Variants in SNX29 observed in about 807,000 individuals in gnomAD.
The protein encoded by SNX29 is sorting nexin-29.
Under a neutral mutation model 102.1 loss-of-function variants are expected in SNX29, and 78 were observed. The ratio of observed to expected loss-of-function variants is 0.76; its 90% CI spans 0.64 to 0.92. The LOEUF is 0.92. Among genes scored for constraint, SNX29 ranks in the 40% least tolerant of loss-of-function variants. The pLI is 0.00. For missense variants in SNX29, 1,280 were observed against 1,061.7 expected (o/e 1.21, Z -2.86); for synonymous variants, 580 against 414.5 (o/e 1.40, Z -4.85).
chr16:12,377,589 G>A (rs530826371), intron 16 of SNX29, among the ~76,000 whole-genome samples: 2 of 152,194 alleles, frequency 1.3e-5, no homozygotes, highest in Admixed American at 6.5e-5. Flanking sequence ...TAGGTTATGA[G>A]GCTTCAGGCA....
chr16:12,365,583 G>C (rs1180569137), intron 16 of SNX29, among the ~76,000 whole-genome samples: 1 of 151,668 alleles, frequency 6.6e-6, no homozygotes, highest in African/African-American at 2.4e-5. Context: ...ACGGCTGCTT[G>C]GGAGGCTGAG....
At chr16:12,188,652 T>C (rs2076571216) in intron 13 of SNX29, among the ~76,000 whole-genome samples, 1 of 152,200 alleles carries the variant, frequency 6.6e-6, no homozygotes, top group African/African-American at 2.4e-5. Context: ...GAGTGGGATT[T>C]ACCAGGTGGC....
chr16:12,438,172 C>A (rs1021538451), intron 18 of SNX29, among the ~76,000 whole-genome samples: 8 of 152,156 alleles, frequency 5.3e-5, no homozygotes, highest in African/African-American at 1.9e-4. Context: ...TCTGGACTAT[C>A]TTTATTCTGA....
chr16:12,448,675 G>T (rs917339988), intron 18 of SNX29, among the ~76,000 whole-genome samples: 1 of 152,056 alleles, frequency 6.6e-6, no homozygotes, highest in East Asian at 1.9e-4. Context: ...TGACTTTATC[G>T]CATTCCACCC....
At chr16:12,345,170 G>A (rs1047365138) in intron 15 of SNX29, among the ~76,000 whole-genome samples, 3 of 152,192 alleles carry the variant, frequency 2.0e-5, no homozygotes, top group African/African-American at 4.8e-5. Context: ...TGTGCTCTGC[G>A]CTAGAGCTGT....
In SNX29 at chr16:12,063,366, C is replaced by CTTTTTTTTTTTTTTTTTTTTTTTT. The variant is rs369015533; in HGVS notation, c.1243+1723_1243+1746dup. Among the ~76,000 whole-genome samples, 23 of 55,396 alleles carry CTTTTTTTTTTTTTTTTTTTTTTTT rather than the reference C, an allele frequency of 4.2e-4. 4 individuals carry two copies. The highest frequency in any genetic ancestry group is 4.9e-4 in the East Asian group (1 of 2,022). The allele number at this position is 55,396 out of a possible 152,430, so 36.3% of individuals were successfully genotyped here. A position where few individuals can be genotyped will look rare whatever the true frequency, so the allele number is the denominator to read the frequency against. On this transcript the variant is annotated intron_variant, in intron 9 of 20. Coordinates refer to ENST00000566228, the MANE Select transcript of SNX29 (RefSeq NM_032167.5). ...CCCACCTCTTCTTTTCCTAGTCCAT[C>CTTTTTTTTTTTTTTTTTTTTTTTT]TTTTTTTTTTTTTTTTTTTTTTTTT...
intron 13 of SNX29, among the ~76,000 whole-genome samples, chr16:12,144,296 C>A (rs1346288473): frequency 6.6e-6 from 1 of 152,188 alleles, no homozygotes; most frequent in African/African-American, 2.4e-5. Context: ...CCCACTGCAA[C>A]AATTAGCACT....
chr16:12,240,930 C>A lies in SNX29; in HGVS notation c.1679-37003C>A, dbSNP rs148107649. ...CATCTTTGTCATTCTTGTGGTAAAT[C>A]TTTTTCTTTTACTTTTTCTGCATAA... On this transcript the variant is annotated intron_variant, in intron 14 of 20. Transcript: ENST00000566228. Among the ~76,000 whole-genome samples, 559 of 152,164 alleles carry A rather than the reference C, an allele frequency of 3.7e-3. 4 individuals are homozygous for A. Among genetic ancestry groups the A allele is most frequent in the African/African-American group, 0.013 (532 of 41,506 alleles).
chr16:12,249,180 G>T lies in SNX29; in HGVS notation c.1679-28753G>T, dbSNP rs374673078. Among the ~76,000 whole-genome samples, 5 of 152,310 alleles carry T rather than the reference G, an allele frequency of 3.3e-5. No homozygotes were observed. The South Asian group carries it at 1.0e-3, about 32-fold the overall frequency. ...TGGGGACAGCTCATCTCTGCTCCAT[G>T]ATGTCTGAGGCCTCAGCTCATGGCG... On this transcript the variant is annotated intron_variant, in intron 14 of 20. Transcript: ENST00000566228.
intron 1 of SNX29, among the ~76,000 whole-genome samples, chr16:11,986,509 A>G (rs1017940579): frequency 2.6e-5 from 4 of 152,222 alleles, no homozygotes; most frequent in African/African-American, 9.6e-5. Context: ...CTTTGTTCAA[A>G]GCATACACTA....
chr16:12,517,105 G>A (rs535380329), intron 19 of SNX29, among the ~76,000 whole-genome samples: 1 of 152,302 alleles, frequency 6.6e-6, no homozygotes, highest in East Asian at 1.9e-4. Flanking sequence ...ATTGACGATG[G>A]CGTTATGGTA....
chr16:12,110,334 C>T (rs999331534), intron 11 of SNX29, among the ~76,000 whole-genome samples: 3 of 152,126 alleles, frequency 2.0e-5, no homozygotes, highest in African/African-American at 7.2e-5. Flanking sequence ...CCCAGCATGT[C>T]GTTCCCCACT....
chr16:12,563,008 C>T (rs1009091704), intron 20 of SNX29, among the ~76,000 whole-genome samples: 2 of 152,184 alleles, frequency 1.3e-5, no homozygotes, highest in African/African-American at 4.8e-5. Flanking sequence ...TTCAATGCGC[C>T]TTTCAAACCG....
intron 11 of SNX29, among the ~76,000 whole-genome samples, chr16:12,106,324 C>T (rs369578397): frequency 6.6e-6 from 1 of 151,856 alleles, no homozygotes; most frequent in East Asian, 1.9e-4. Flanking sequence ...GTAGAATTTT[C>T]TTTCTTCCCA....
intron 18 of SNX29, among the ~76,000 whole-genome samples, chr16:12,465,059 CT>C (rs2086990298): frequency 6.6e-6 from 1 of 152,136 alleles, no homozygotes; most frequent in Non-Finnish European, 1.5e-5. Flanking sequence ...GGAAAAATGT[CT>C]GTTTACATCC....
At chr16:12,490,909 C>T (rs141549634) in intron 19 of SNX29, among the ~76,000 whole-genome samples, 95 of 152,342 alleles carry the variant, frequency 6.2e-4, no homozygotes, top group African/African-American at 2.0e-3. Flanking sequence ...CCTCTTTGCA[C>T]CTTTTCTCCC....
chr16:12,275,381 C>G (rs1429615171), intron 14 of SNX29, among the ~76,000 whole-genome samples: 1 of 152,210 alleles, frequency 6.6e-6, no homozygotes, highest in Non-Finnish European at 1.5e-5. Flanking sequence ...AATACCCTAA[C>G]CTCAACTCAG....
At chr16:12,430,455 CT>C (rs2085264462) in intron 18 of SNX29, among the ~76,000 whole-genome samples, 1 of 152,200 alleles carries the variant, frequency 6.6e-6, no homozygotes, top group African/African-American at 2.4e-5. Context: ...GGCACACCTG[CT>C]TTGGAATTGG....
intron 11 of SNX29, among the ~76,000 whole-genome samples, chr16:12,091,014 CAAA>C (rs58933500): frequency 0.029 from 1,531 of 53,338 alleles, 61 homozygotes; most frequent in Admixed American, 0.14. Context: ...GACTTCATCT[CAAA>C]AAAAAAAAAA....
Sources: gnomAD v4.1 joint callset for allele counts (sites outside exome capture counted in the v4.1 genomes callset) on GRCh38, gnomAD v4.1.1 for gene constraint, MANE v1.5 for transcripts, NCBI Gene and HGNC (gene_info 2026-07-23, HGNC 2026-07-21) for gene names.